ELMO1: variants seen among roughly 807,000 people sequenced by gnomAD.
ELMO1 encodes the protein engulfment and cell motility 1.
In ELMO1, 26 loss-of-function variants were observed where a neutral mutation model predicts 98.9. The ratio of observed to expected loss-of-function variants is 0.26; its 90% confidence interval spans 0.19 to 0.36. The LOEUF is 0.36. ELMO1 is among the 10% of genes least tolerant of loss of function. The pLI is 1.00. For missense variants in ELMO1, 627 were observed against 935.2 expected, an observed-to-expected ratio of 0.67 and a Z score of 4.30; for synonymous variants, 346 against 346.0, an observed-to-expected ratio of 1.00 and a Z score of 0.00.
chr7:36,985,679 A>G (rs569031021), intron 16 of ELMO1, among the ~76,000 whole-genome samples: 18 of 152,338 alleles, frequency 1.2e-4, no homozygotes, highest in Admixed American at 8.5e-4. Flanking sequence ...TGCTCCTTAC[A>G]CTAATCCTAA....
chr7:36,986,394 G>A lies in ELMO1; in HGVS notation c.1437+26905C>T, dbSNP rs533952892. 2.5e-5 allele frequency: 8 copies of A among 317,736 alleles called. No individual in the cohort carries two copies. In the South Asian group the frequency reaches 7.5e-4, roughly 30 times the overall value. The allele number at this position is 317,736 out of a possible 1,614,324, so 19.7% of individuals were successfully genotyped here. A position where few individuals can be genotyped will look rare whatever the true frequency, so the allele number is the denominator to read the frequency against. Reference sequence around the variant, plus strand: ...TTTGTCAATAAACCCATAGCTCCCCGTCTTGGTACTTCTCAATATATCCCC... The same window carrying A: ...TTTGTCAATAAACCCATAGCTCCCCATCTTGGTACTTCTCAATATATCCCC... On this transcript the variant is annotated intron_variant, in intron 16 of 21. Transcript: ENST00000310758.
At chr7:36,950,181 G>T (rs1195455942) in intron 16 of ELMO1, among the ~76,000 whole-genome samples, 1 of 152,154 alleles carries the variant, frequency 6.6e-6, no homozygotes, top group African/African-American at 2.4e-5. Context: ...CAAGGTGCCC[G>T]GGACAGCTGG....
At chr7:37,051,163 G>A (rs1796092514) in intron 15 of ELMO1, among the ~76,000 whole-genome samples, 1 of 152,202 alleles carries the variant, frequency 6.6e-6, no homozygotes, top group African/African-American at 2.4e-5. Flanking sequence ...ACTTTGGAAA[G>A]AACTGCAGTG....
At chr7:37,163,350 T>A (rs994097814) in intron 13 of ELMO1, among the ~76,000 whole-genome samples, 3 of 152,086 alleles carry the variant, frequency 2.0e-5, no homozygotes, top group African/African-American at 7.2e-5. Flanking sequence ...TTTTTTTTTT[T>A]TTATTATTAT....
chr7:37,345,673 C>T (rs970413965), intron 1 of ELMO1, among the ~76,000 whole-genome samples: 1 of 151,996 alleles, frequency 6.6e-6, no homozygotes, highest in Non-Finnish European at 1.5e-5. Context: ...CACCACTGCA[C>T]ACCAGCGTGG....
At chr7:36,888,578 C>T (rs1174695750) in intron 17 of ELMO1, among the ~76,000 whole-genome samples, 3 of 152,190 alleles carry the variant, frequency 2.0e-5, no homozygotes, top group African/African-American at 7.2e-5. Flanking sequence ...ATCTAAGTCT[C>T]AGTTTCTTCA....
At chr7:36,982,072 G>A (rs949091362) in intron 16 of ELMO1, among the ~76,000 whole-genome samples, 1 of 152,174 alleles carries the variant, frequency 6.6e-6, no homozygotes, top group Non-Finnish European at 1.5e-5. Flanking sequence ...GTGTGACTGT[G>A]CAGCTGAATT....
At chr7:36,968,437 T>C (rs1369508649) in intron 16 of ELMO1, among the ~76,000 whole-genome samples, 9 of 152,214 alleles carry the variant, frequency 5.9e-5, no homozygotes, top group African/African-American at 1.9e-4. Flanking sequence ...GCAATGTATA[T>C]ATTTTATCCC....
intron 7 of ELMO1, among the ~76,000 whole-genome samples, chr7:37,237,124 A>G (rs1205950289): frequency 6.6e-6 from 1 of 152,224 alleles, no homozygotes; most frequent in Non-Finnish European, 1.5e-5. Context: ...GTGTGCTGGA[A>G]TGATTCAAAT....
intron 7 of ELMO1, among the ~76,000 whole-genome samples, chr7:37,233,819 G>A (rs143739637): frequency 4.7e-4 from 72 of 152,220 alleles, no homozygotes; most frequent in Middle Eastern, 3.4e-3. Flanking sequence ...CCAGCATTTC[G>A]TCTTTAGTTA....
chr7:37,241,923 A>G (rs969743259), intron 7 of ELMO1, among the ~76,000 whole-genome samples: 3 of 152,176 alleles, frequency 2.0e-5, no homozygotes, highest in African/African-American at 7.2e-5. Context: ...TTGTCTTTTT[A>G]TATTACCCAC....
chr7:37,213,468 G>T lies in ELMO1; in HGVS notation c.832-11C>A. The stretch of plus-strand genomic sequence containing the variant: ...GGCTCGGATGACATGCTAGGGAGAT[G>T]GTTCACAAATGAAATTTTTTAAAAA... On this transcript the variant is annotated splice_polypyrimidine_tract_variant and intron_variant, in intron 11 of 21. Coordinates refer to ENST00000310758, the MANE Select transcript of ELMO1 (RefSeq NM_014800.11). The T allele has an allele frequency of 6.2e-7, 1 of 1,603,820 alleles. No homozygotes were observed. Among genetic ancestry groups the T allele is most frequent in the South Asian group, 1.1e-5 (1 of 89,672 alleles).
chr7:37,413,128 A>AT (rs35190792), intron 1 of ELMO1, among the ~76,000 whole-genome samples: 6 of 150,882 alleles, frequency 4.0e-5, no homozygotes, highest in Non-Finnish European at 5.9e-5. Context: ...ACTTGACCAA[A>AT]TTTTTTTTTT....
chr7:37,349,576 C>T (rs1801165217), intron 1 of ELMO1, among the ~76,000 whole-genome samples: 1 of 152,206 alleles, frequency 6.6e-6, no homozygotes, highest in Non-Finnish European at 1.5e-5. Flanking sequence ...GCCTCAGCCT[C>T]CCGAGTAGTT....
intron 15 of ELMO1, among the ~76,000 whole-genome samples, chr7:37,048,937 C>G (rs1795948590): frequency 6.6e-6 from 1 of 152,134 alleles, no homozygotes; most frequent in African/African-American, 2.4e-5. Context: ...GACATGAAAA[C>G]AGAATGGAAA....
At chr7:37,180,785 CAT>C (rs1168343609) in intron 13 of ELMO1, among the ~76,000 whole-genome samples, 9 of 146,950 alleles carry the variant, frequency 6.1e-5, no homozygotes, top group Non-Finnish European at 1.3e-4. Flanking sequence ...TACACACACA[CAT>C]ATGCACATAT....
intron 14 of ELMO1, among the ~76,000 whole-genome samples, chr7:37,124,990 C>A (rs1229813134): frequency 2.0e-5 from 3 of 152,188 alleles, no homozygotes; most frequent in Non-Finnish European, 2.9e-5. Flanking sequence ...CACACTTCTA[C>A]AACTATCTGA....
At chr7:36,911,755 A>C (rs988498585) in intron 16 of ELMO1, among the ~76,000 whole-genome samples, 2 of 152,188 alleles carry the variant, frequency 1.3e-5, no homozygotes, top group Non-Finnish European at 2.9e-5. Context: ...GATATCTCTC[A>C]AAATGACTCT....
At chr7:37,429,078 A>T (rs1412853200) in intron 1 of ELMO1, among the ~76,000 whole-genome samples, 1 of 152,134 alleles carries the variant, frequency 6.6e-6, no homozygotes, top group African/African-American at 2.4e-5. Flanking sequence ...TGGGCAAGGG[A>T]GGAGGTATGG....
Sources: gnomAD v4.1 joint callset for allele counts (sites outside exome capture counted in the v4.1 genomes callset) on GRCh38, gnomAD v4.1.1 for gene constraint, MANE v1.5 for transcripts, NCBI Gene and HGNC (gene_info 2026-07-23, HGNC 2026-07-21) for gene names.